Variants in ADD2 observed in about 807,000 individuals in gnomAD.
ADD2 encodes the protein beta-adducin.
A neutral mutation model predicts 83.0 loss-of-function variants in ADD2; 23 were observed. That is an observed-to-expected ratio of 0.28 (90% CI 0.20 to 0.39). The LOEUF is 0.39. Ranked by LOEUF, ADD2 falls within the 10% of genes least tolerant of loss-of-function variation. The pLI is 1.00. For missense variants in ADD2, 758 were observed against 944.9 expected, an observed-to-expected ratio of 0.80 and a Z score of 2.59; for synonymous variants, 375 against 375.4, an observed-to-expected ratio of 1.00 and a Z score of 0.01.
chr2:70,674,916 G>A (rs1670058907), intron 13 of ADD2, 91 bp from the exon 14 acceptor site: 1 of 1,524,560 alleles, frequency 6.6e-7, no homozygotes, highest in Non-Finnish European at 8.8e-7. Context: ...GTGGCTGCAA[G>A]CGGTCTTGCT....
chr2:70,733,136 C>G (rs998052215), intron 1 of ADD2, among the ~76,000 whole-genome samples: 2 of 152,172 alleles, frequency 1.3e-5, no homozygotes, highest in Non-Finnish European at 2.9e-5. Flanking sequence ...GCCCAGGGTC[C>G]AAGGGCCATT....
intron 15 of ADD2, among the ~76,000 whole-genome samples, chr2:70,664,842 G>T (rs1553365839): frequency 6.7e-6 from 1 of 150,012 alleles, no homozygotes; most frequent in Non-Finnish European, 1.5e-5. Flanking sequence ...TGCCATGAGT[G>T]TGTCTGTGTG....
intron 10 of ADD2, among the ~76,000 whole-genome samples, chr2:70,681,467 AC>A (rs1553369524): frequency 6.7e-6 from 1 of 150,140 alleles, no homozygotes; most frequent in Non-Finnish European, 1.5e-5. Flanking sequence ...TCTTTGAAAA[AC>A]CCCCTTTGAA....
chr2:70,756,166 C>A (rs782198302), intron 1 of ADD2, among the ~76,000 whole-genome samples: 1 of 152,054 alleles, frequency 6.6e-6, no homozygotes, highest in African/African-American at 2.4e-5. Context: ...ATCCTGCCTA[C>A]CCCCTTTCCT....
intron 2 of ADD2, among the ~76,000 whole-genome samples, chr2:70,712,443 C>CA (rs11422928): frequency 0.32 from 38,924 of 121,172 alleles, 6,363 homozygotes; most frequent in African/African-American, 0.49. Context: ...GACCCTGTCT[C>CA]AAAAAAAATA....
At chr2:70,733,188 T>C (rs1372536232) in intron 1 of ADD2, among the ~76,000 whole-genome samples, 1 of 152,252 alleles carries the variant, frequency 6.6e-6, no homozygotes, top group Non-Finnish European at 1.5e-5. Context: ...CAGAATCTTT[T>C]CCCTGAGTTT....
chr2:70,661,164 C>T lies in ADD2; in HGVS notation c.*2261G>A, dbSNP rs1675525269. ...GTGTGTTGAATGCAGAGGCAATCAA[C>T]ATCACCCCCGAAGTAGAACAACTCG... is the stretch of plus-strand genomic sequence containing the variant. On this transcript the variant is annotated 3_prime_UTR_variant, in exon 16 of 16. Transcript: ENST00000264436. 6.6e-6 allele frequency: 1 copy of T among 152,152 alleles called. No individual in the cohort carries two copies. Among genetic ancestry groups the T allele is most frequent in the Non-Finnish European group, 1.5e-5 (1 of 68,028 alleles). The allele number at this position is 152,152 out of a possible 1,614,324, so 9.4% of individuals were successfully genotyped here. A position where few individuals can be genotyped will look rare whatever the true frequency, so the allele number is the denominator to read the frequency against.
At chr2:70,673,407 TCC>T in intron 14 of ADD2, 3 of 1,180,072 alleles carry the variant, frequency 2.5e-6, no homozygotes, top group Non-Finnish European at 3.7e-6. Context: ...AACCACCAAC[TCC>T]CCTTATTTTA....
At chr2:70,675,987 G>C in intron 13 of ADD2, 1 of 985,460 alleles carries the variant, frequency 1.0e-6, no homozygotes, top group Non-Finnish European at 1.2e-6. Context: ...GGAGGTAAGT[G>C]TGATGATACA....
intron 1 of ADD2, among the ~76,000 whole-genome samples, chr2:70,726,724 C>A (rs906680632): frequency 1.3e-5 from 2 of 152,210 alleles, no homozygotes; most frequent in African/African-American, 4.8e-5. Flanking sequence ...GTAGCCCGTG[C>A]TCTTCTGAGA....
chr2:70,703,208 G>A (rs1229709040), intron 4 of ADD2, among the ~76,000 whole-genome samples: 9 of 151,756 alleles, frequency 5.9e-5, no homozygotes, highest in African/African-American at 1.7e-4. Context: ...AAAAGAAAAC[G>A]AAAGAAAGAG....
At chr2:70,673,403 C>CACAA in intron 14 of ADD2, 1 of 1,216,392 alleles carries the variant, frequency 8.2e-7, no homozygotes, top group South Asian at 1.3e-5. Context: ...CCACAACCAC[C>CACAA]AACTCCCCTT....
chr2:70,766,274 C>A (rs1244450496), intron 1 of ADD2, among the ~76,000 whole-genome samples: 1 of 152,116 alleles, frequency 6.6e-6, no homozygotes, highest in Non-Finnish European at 1.5e-5. Context: ...ATAATGAAAA[C>A]TTTGCTTTTA....
intron 4 of ADD2, 51 bp downstream of exon 4, chr2:70,704,270 C>CCCCCCCCCCCCCCCCCCCAG: frequency 8.1e-7 from 1 of 1,228,716 alleles, no homozygotes; most frequent in Non-Finnish European, 1.1e-6. Flanking sequence ...TCTTCCCCAC[C>CCCCCCCCCCCCCCCCCCCAG]CCACCCTCCC....
chr2:70,694,100 G>A (rs1028609518), intron 6 of ADD2, among the ~76,000 whole-genome samples: 1 of 152,154 alleles, frequency 6.6e-6, no homozygotes, highest in African/African-American at 2.4e-5. Context: ...ACCACACACA[G>A]CAGCCCTATG....
Position 70,713,074 on chromosome 2 carries a change from T to A in ADD2, c.-43A>T, listed in dbSNP as rs1222202668. The A allele has an allele frequency of 1.0e-6, 1 of 985,466 alleles. No individual in the cohort carries two copies. Among genetic ancestry groups the A allele is most frequent in the Non-Finnish European group, 1.2e-6 (1 of 830,066 alleles). The allele number at this position is 985,466 out of a possible 1,614,324, so 61.0% of individuals were successfully genotyped here. ...AACTACTGCTTACTTACCGGGAGGCTGGCCCAGCCCTGTCCAAGGCTCCTT... is the reference window on the plus strand; with the variant it reads ...AACTACTGCTTACTTACCGGGAGGCAGGCCCAGCCCTGTCCAAGGCTCCTT... On this transcript the variant is annotated 5_prime_UTR_variant, in exon 2 of 16. Transcript: ENST00000264436.
intron 4 of ADD2, among the ~76,000 whole-genome samples, chr2:70,703,334 A>T (rs1192834351): frequency 6.6e-6 from 1 of 152,192 alleles, no homozygotes; most frequent in East Asian, 1.9e-4. Context: ...ATTAAAACAC[A>T]AATAAAGTAT....
chr2:70,706,935 C>G lies in ADD2; in HGVS notation c.-34-493G>C, dbSNP rs908617301. Among the ~76,000 whole-genome samples, 6 of 152,186 alleles carry G rather than the reference C, an allele frequency of 3.9e-5. No individual in the cohort carries two copies. Among genetic ancestry groups the G allele is most frequent in the Non-Finnish European group, 8.8e-5 (6 of 68,042 alleles). On this transcript the variant is annotated intron_variant, in intron 2 of 15. Coordinates refer to ENST00000264436, the MANE Select transcript of ADD2 (RefSeq NM_001617.4). The surrounding 1 kb of genome is among the most constrained non-coding windows in gnomAD (Gnocchi z 5.0). ...ATGGGTTGATAGGCGCAGCAAACCA[C>G]CATGGCACACATTTACCTATGTAAC...
intron 1 of ADD2, among the ~76,000 whole-genome samples, chr2:70,760,313 C>T (rs537483177): frequency 9.8e-4 from 149 of 152,246 alleles, no homozygotes; most frequent in Non-Finnish European, 1.8e-3. Context: ...ACCTCAAACT[C>T]GTCTTGTCTA....
Sources: allele counts gnomAD v4.1 joint callset (sites outside exome capture counted in the v4.1 genomes callset), GRCh38; gene constraint gnomAD v4.1.1; non-coding constraint Gnocchi (gnomAD v3.1); transcripts MANE v1.5; gene names NCBI Gene and HGNC (gene_info 2026-07-23, HGNC 2026-07-21).